RASA1: variants seen among roughly 807,000 people sequenced by gnomAD.
RASA1 encodes the protein RAS p21 protein activator 1.
A neutral mutation model predicts 132.2 loss-of-function variants in RASA1; 25 were observed. The observed-to-expected ratio is 0.19, with a 90% CI of 0.14 to 0.26. RASA1 has a LOEUF of 0.26. Ranked by LOEUF, RASA1 falls within the 10% of genes least tolerant of loss-of-function variation. RASA1 has a pLI of 1.00. For synonymous variants in RASA1, 477 were observed against 449.9 expected, an observed-to-expected ratio of 1.06 and a Z score of -0.76; for missense variants, 964 against 1,299.2, an observed-to-expected ratio of 0.74 and a Z score of 3.97.
chr5:87,339,685 G>C (rs1315469853), intron 5 of RASA1, among the ~76,000 whole-genome samples: 2 of 152,090 alleles, frequency 1.3e-5, no homozygotes, highest in Non-Finnish European at 2.9e-5. Flanking sequence ...ATCAGTACAA[G>C]GGATCAAGGA....
At chr5:87,382,277 G>A (rs1177476816) in intron 20 of RASA1, among the ~76,000 whole-genome samples, 2 of 152,158 alleles carry the variant, frequency 1.3e-5, no homozygotes, top group Non-Finnish European at 2.9e-5. Flanking sequence ...TATAAATGCT[G>A]TTTGAGAAGT....
chr5:87,340,687 A>T (rs2112396293), intron 5 of RASA1, among the ~76,000 whole-genome samples: 1 of 152,302 alleles, frequency 6.6e-6, no homozygotes, highest in East Asian at 1.9e-4. Flanking sequence ...TTACGGGCTC[A>T]GAATGTCTTA....
intron 21 of RASA1, among the ~76,000 whole-genome samples, chr5:87,384,004 A>G (rs1261568468): frequency 6.6e-6 from 1 of 151,732 alleles, no homozygotes; most frequent in Non-Finnish European, 1.5e-5. Context: ...AGATGGCATG[A>G]TTACACACAT....
At chr5:87,274,957 A>G (rs545720521) in intron 1 of RASA1, among the ~76,000 whole-genome samples, 1 of 152,348 alleles carries the variant, frequency 6.6e-6, no homozygotes, top group South Asian at 2.1e-4. Context: ...TGATGTCTGT[A>G]GTGACTGAGG....
chr5:87,298,302 G>C (rs1353591732), intron 1 of RASA1, among the ~76,000 whole-genome samples: 1 of 151,764 alleles, frequency 6.6e-6, no homozygotes, highest in African/African-American at 2.4e-5. Context: ...CCAGCTACTC[G>C]GGAGGCTGAG....
chr5:87,349,088 A>G (rs1164143892), intron 7 of RASA1, 126 bp from the exon 8 acceptor site: 1 of 1,210,686 alleles, frequency 8.3e-7, no homozygotes, highest in Non-Finnish European at 1.2e-6. Context: ...TCTTAAAAAA[A>G]AAACAAGTTC....
At chr5:87,343,300 A>C (rs1257222807) in intron 6 of RASA1, among the ~76,000 whole-genome samples, 1 of 152,130 alleles carries the variant, frequency 6.6e-6, no homozygotes, top group Non-Finnish European at 1.5e-5. Context: ...ACTACATTCT[A>C]GTTCAGGACT....
intron 1 of RASA1, among the ~76,000 whole-genome samples, chr5:87,272,762 T>C (rs1753902890): frequency 6.6e-6 from 1 of 152,178 alleles, no homozygotes; most frequent in Non-Finnish European, 1.5e-5. Context: ...TTAATTATAT[T>C]AAGAATTTTA....
At chr5:87,386,967 T>C in intron 23 of RASA1, 64 bp downstream of exon 23, 9 of 1,372,930 alleles carry the variant, frequency 6.6e-6, no homozygotes, top group Non-Finnish European at 9.3e-6. Context: ...AGTTAACCCA[T>C]TTAAGCAGCA....
chr5:87,296,592 G>A (rs1317449086), intron 1 of RASA1, among the ~76,000 whole-genome samples: 1 of 149,066 alleles, frequency 6.7e-6, no homozygotes, highest in African/African-American at 2.5e-5. Context: ...AAATTTTTAG[G>A]TTCATGTTTT....
chr5:87,359,367 G>A (rs1244135083), intron 9 of RASA1, among the ~76,000 whole-genome samples: 2 of 152,128 alleles, frequency 1.3e-5, no homozygotes, highest in Admixed American at 6.6e-5. Flanking sequence ...AAAGGAACAC[G>A]TAGAGAAGCC....
intron 12 of RASA1, among the ~76,000 whole-genome samples, chr5:87,371,901 C>A (rs968382239): frequency 6.6e-6 from 1 of 151,914 alleles, no homozygotes; most frequent in Non-Finnish European, 1.5e-5. Context: ...AAGATTTATA[C>A]AGAATTACAA....
chr5:87,361,635 A>T (rs1760099173), intron 9 of RASA1, among the ~76,000 whole-genome samples: 4 of 152,164 alleles, frequency 2.6e-5, no homozygotes, highest in Admixed American at 2.6e-4. Context: ...ATCCTGATAT[A>T]ATTCTTTTCC....
intron 4 of RASA1, among the ~76,000 whole-genome samples, chr5:87,336,721 G>A (rs541251798): frequency 5.3e-5 from 8 of 151,966 alleles, no homozygotes; most frequent in Non-Finnish European, 1.2e-4. Context: ...CAGTTCATGT[G>A]CACCCTCCTT....
chr5:87,337,835 AC>A (rs1758083402), intron 4 of RASA1, 138 bp from the exon 5 acceptor site: 3 of 856,180 alleles, frequency 3.5e-6, no homozygotes, highest in Non-Finnish European at 5.0e-6. Flanking sequence ...GAAATAGGAT[AC>A]AAATTTAGGG....
chr5:87,386,178 CTT>C (rs1315420014), intron 22 of RASA1, among the ~76,000 whole-genome samples: 1 of 151,906 alleles, frequency 6.6e-6, no homozygotes, highest in Non-Finnish European at 1.5e-5. Context: ...GTTAGAGAGA[CTT>C]TCATGTCTTT....
Position 87,378,485 on chromosome 5 carries a change from C to T in RASA1, c.2434C>T (p.His812Tyr), listed in dbSNP as rs778245184. 1.7e-5 allele frequency: 28 copies of T among 1,612,274 alleles called. No individual in the cohort carries two copies. In the East Asian group the frequency reaches 5.4e-4, roughly 31 times the overall value. Reference protein sequence around the residue: ...MKATATQFVHHALKDSILKIM... With the variant: ...MKATATQFVHYALKDSILKIM... Reference sequence around the variant, plus strand: ...AGCCACTGCTACACAGTTTGTTCATCATGCTTTGAAAGACTCTATTTTAAA... The same window carrying T: ...AGCCACTGCTACACAGTTTGTTCATTATGCTTTGAAAGACTCTATTTTAAA... The change falls in exon 18 of 25, where the codon CAT (histidine) becomes TAT (tyrosine). Residue 812 changes from histidine (H) to tyrosine (Y), a missense_variant. Physicochemically the swap from His to Tyr is moderately conservative, Grantham distance 83. This residue lies in a region of RASA1 where 346 missense variants were observed against 520.1 expected (regional missense o/e 0.67). Transcript: ENST00000274376.
At chr5:87,380,362 C>A in intron 19 of RASA1, 147 bp from the exon 20 acceptor site, 2 of 728,342 alleles carry the variant, frequency 2.7e-6, no homozygotes, top group South Asian at 1.5e-5. Context: ...TTGCTAAATG[C>A]CTCATTACCT....
intron 4 of RASA1, among the ~76,000 whole-genome samples, chr5:87,335,277 CTT>C (rs753895669): frequency 2.6e-5 from 4 of 152,076 alleles, no homozygotes; most frequent in Non-Finnish European, 4.4e-5. Flanking sequence ...AGGAAGAAAA[CTT>C]AGTGTTTGTT....
Sources: gnomAD v4.1 joint callset for allele counts (sites outside exome capture counted in the v4.1 genomes callset) on GRCh38, gnomAD v4.1.1 for gene constraint, gnomAD v4.1.1 regional missense constraint, MANE v1.5 for transcripts, NCBI Gene and HGNC (gene_info 2026-07-23, HGNC 2026-07-21) for gene names.